The following SERPINA1 variants were observed in gnomAD, a reference collection of about 807,000 sequenced individuals.
SERPINA1 encodes the protein alpha-1-antitrypsin.
SERPINA1 carries 21 observed loss-of-function variants against 25.4 expected under a neutral mutation model. The observed-to-expected ratio is 0.83, with a 90% CI of 0.59 to 1.19. The LOEUF (loss-of-function observed/expected upper bound fraction) is 1.19, where lower values mean the gene tolerates loss of function less well. SERPINA1 is among the 50% of genes most tolerant of loss of function. The pLI is 0.00. For missense variants in SERPINA1, 546 were observed against 509.0 expected (o/e 1.07, Z -0.70); for synonymous variants, 218 against 211.1 (o/e 1.03, Z -0.29).
chr14:94,387,353 G>T (rs915999202), intron 1 of SERPINA1, among the ~76,000 whole-genome samples: 3 of 152,240 alleles, frequency 2.0e-5, no homozygotes, highest in Non-Finnish European at 4.4e-5. Flanking sequence ...CTGCTGCGCA[G>T]CAAGTTCTCG....
intron 3 of SERPINA1, 93 bp from the exon 4 acceptor site, chr14:94,379,704 T>C (rs1177412675): frequency 6.4e-7 from 1 of 1,559,750 alleles, no homozygotes; most frequent in African/African-American, 1.4e-5. Context: ...TTTCTGATTA[T>C]TTCTGCCACT....
At chr14:94,383,273 GAGTCAAGGCACA>G in intron 1 of SERPINA1, 32 bp from the exon 2 acceptor site, 2 of 1,597,848 alleles carry the variant, frequency 1.3e-6, no homozygotes, top group South Asian at 2.2e-5. Context: ...GCCAGGCCCC[GAGTCAAGGCACA>G]TGATGACTCC....
chr14:94,388,113 G>A (rs1897402684), intron 1 of SERPINA1, among the ~76,000 whole-genome samples: 2 of 152,220 alleles, frequency 1.3e-5, no homozygotes, highest in African/African-American at 2.4e-5. Context: ...TATAGAAGGG[G>A]AGAAAGATGC....
intron 1 of SERPINA1, among the ~76,000 whole-genome samples, chr14:94,385,012 G>A (rs1897200506): frequency 6.6e-6 from 1 of 152,204 alleles, no homozygotes; most frequent in African/African-American, 2.4e-5. Flanking sequence ...GCTAAAATTA[G>A]TGCTGTATAT....
chr14:94,383,480 A>C, intron 1 of SERPINA1: 1 of 577,858 alleles, frequency 1.7e-6, no homozygotes, highest in South Asian at 2.2e-5. Flanking sequence ...TTCTTGTAAC[A>C]ATCCCGTGAG....
rs770346644 is a variant in SERPINA1 at position 94,378,158 on chromosome 14, C to A, written c.*291G>T. On this transcript the variant is annotated 3_prime_UTR_variant, in exon 5 of 5. Transcript: ENST00000393087. ...CAAGACAGGACAAGGAAGACTGGAG[C>A]CCTCCAGAAACAGATGGGCCCAGGT... The A allele has an allele frequency of 1.2e-5, 6 of 491,246 alleles. No homozygotes were observed. Among genetic ancestry groups the A allele is most frequent in the South Asian group, 7.1e-5 (3 of 42,334 alleles). The allele number at this position is 491,246 out of a possible 1,614,324, so 30.4% of individuals were successfully genotyped here. A position where few individuals can be genotyped will look rare whatever the true frequency, so the allele number is the denominator to read the frequency against.
At position 94,378,649 on chromosome 14, in the gene SERPINA1, G is replaced by C. The variant is rs1464682504; in HGVS notation, c.1066-9C>G. 1.2e-6 allele frequency: 2 copies of C among 1,613,084 alleles called. No homozygotes were observed. The highest frequency in any genetic ancestry group is 3.3e-5 in the Admixed American group (2 of 59,830). Reference sequence around the variant, plus strand: ...ACAGCCTTATGCACGGCCTGGAGGGGAGAGAAGCAGAGACACGTTGTAAGG... The same window carrying C: ...ACAGCCTTATGCACGGCCTGGAGGGCAGAGAAGCAGAGACACGTTGTAAGG... On this transcript the variant is annotated splice_polypyrimidine_tract_variant and intron_variant, in intron 4 of 4. Transcript: ENST00000393087.
intron 1 of SERPINA1, 22 bp from the exon 2 acceptor site, chr14:94,383,263 GC>G (rs1430220861): frequency 1.2e-5 from 20 of 1,602,812 alleles, no homozygotes; most frequent in Non-Finnish European, 1.7e-5. Context: ...AGATGGGGGG[GC>G]CAGGCCCCGA....
At chr14:94,386,700 C>T (rs1897310600) in intron 1 of SERPINA1, among the ~76,000 whole-genome samples, 1 of 152,138 alleles carries the variant, frequency 6.6e-6, no homozygotes, top group Non-Finnish European at 1.5e-5. Flanking sequence ...CTCCCCAGGA[C>T]CATTTCAGCA....
rs1269189008 is a variant in SERPINA1, at chr14:94,377,073, T to C, written c.*1376A>G. The C allele has an allele frequency of 2.0e-5, 3 of 152,242 alleles. No homozygotes were observed. The highest frequency in any genetic ancestry group is 4.4e-5 in the Non-Finnish European group (3 of 68,054). 9.4% of individuals were successfully genotyped at this position (152,242 alleles called of 1,614,324 possible). ...TGGGAAACAGTCGGTATCCATTGAT[T>C]AGACTGAATCATGTAGAATTGCTAA... On this transcript the variant is annotated 3_prime_UTR_variant, in exon 5 of 5. Coordinates refer to ENST00000393087, the MANE Select transcript of SERPINA1 (RefSeq NM_000295.5).
In SERPINA1 at chr14:94,382,733, C is replaced by T. The variant is rs1897021264; in HGVS notation, c.505G>A (p.Val169Ile). 5.6e-6 allele frequency: 9 copies of T among 1,614,154 alleles called. No homozygotes were observed. The highest frequency in any genetic ancestry group is 7.6e-6 in the Non-Finnish European group (9 of 1,180,060). Reference protein sequence around the residue: ...KKLYHSEAFTVNFGDTEEAKK... With the variant: ...KKLYHSEAFTINFGDTEEAKK... ...GCCTCTTCGGTGTCCCCGAAGTTGACAGTGAAGGCTTCTGAGTGGTACAAC... is the reference window on the plus strand; with the variant it reads ...GCCTCTTCGGTGTCCCCGAAGTTGATAGTGAAGGCTTCTGAGTGGTACAAC... Residue 169 changes from valine to isoleucine, a missense_variant, in exon 2 of 5, where the codon GTC becomes ATC. Physicochemically the swap from Val to Ile is conservative, Grantham distance 29. Transcript: ENST00000393087.
intron 1 of SERPINA1, among the ~76,000 whole-genome samples, chr14:94,385,831 C>A (rs985560832): frequency 6.6e-6 from 1 of 152,182 alleles, no homozygotes; most frequent in Non-Finnish European, 1.5e-5. Flanking sequence ...CCTGGTGTCA[C>A]ATCACCTACT....
At chr14:94,390,201 C>G (rs1383371863), upstream of SERPINA1, among the ~76,000 whole-genome samples, 1 of 152,166 alleles carries the variant, frequency 6.6e-6, no homozygotes, top group Non-Finnish European at 1.5e-5. Context: ...TCTGAGCTCC[C>G]TTCCCTGCAG....
At position 94,378,461 on chromosome 14, in the gene SERPINA1, G is replaced by A; in HGVS notation, c.1245C>T (p.Pro415=). ...SPLFMGKVVN[P]TQK Reference sequence around the variant, plus strand: ...GAGCGAGAGGCAGTTATTTTTGGGTGGGATTCACCACTTTTCCCATGAAGA... The same window carrying A: ...GAGCGAGAGGCAGTTATTTTTGGGTAGGATTCACCACTTTTCCCATGAAGA... The change falls in exon 5 of 5, where the codon CCC becomes CCT. Residue 415 remains proline, a synonymous_variant. Coordinates refer to ENST00000393087, the MANE Select transcript of SERPINA1 (RefSeq NM_000295.5). 1 of 1,614,096 alleles carries A rather than the reference G, an allele frequency of 6.2e-7. No individual in the cohort carries two copies. The highest frequency in any genetic ancestry group is 8.5e-7 in the Non-Finnish European group (1 of 1,180,006).
Position 94,383,025 on chromosome 14 carries a change from G to A in SERPINA1, c.213C>T (p.Ser71=). The A allele has an allele frequency of 6.2e-7, 1 of 1,612,116 alleles. No individual in the cohort carries two copies. The highest frequency in any genetic ancestry group is 8.5e-7 in the Non-Finnish European group (1 of 1,178,220). The stretch of plus-strand genomic sequence containing the variant: ...TCACTGGGGAGAAGAAGATATTGGT[G>A]CTGTTGGACTGGTGTGCCAGCTGGC... ...LYRQLAHQSN[S]TNIFFSPVSI... Residue 71 remains serine, a synonymous_variant, in exon 2 of 5, where the codon AGC becomes AGT. Coordinates refer to ENST00000393087, the MANE Select transcript of SERPINA1 (RefSeq NM_000295.5).
rs149921620 is a variant in SERPINA1 at position 94,383,432 on chromosome 14, G to A, written c.-4-191C>T. On this transcript the variant is annotated intron_variant, in intron 1 of 4. Transcript: ENST00000393087. ...GTACGTAGTGCTTACCATATGCCAA[G>A]CACTGTTCTCCGTGCTCACATGTGT... 1.5e-3 allele frequency: 910 copies of A among 618,628 alleles called. 4 individuals are homozygous for A. Among genetic ancestry groups the A allele is most frequent in the African/African-American group, 0.014 (766 of 54,786 alleles). 38.3% of individuals were successfully genotyped at this position (618,628 alleles called of 1,614,324 possible).
intron 2 of SERPINA1, 110 bp downstream of exon 2, chr14:94,382,482 G>T: frequency 7.9e-7 from 1 of 1,267,158 alleles, no homozygotes; most frequent in Non-Finnish European, 1.1e-6. Flanking sequence ...ACGCTGAAAA[G>T]CATTGCTATG....
chr14:94,390,180 C>T (rs866423251), upstream of SERPINA1, among the ~76,000 whole-genome samples: 34 of 152,268 alleles, frequency 2.2e-4, no homozygotes, highest in African/African-American at 8.2e-4. Context: ...TCAGACTCCC[C>T]TCCCCTTCTC....
intron 1 of SERPINA1, chr14:94,383,451 CA>C: frequency 5.1e-6 from 3 of 594,050 alleles, no homozygotes; most frequent in African/African-American, 1.8e-5. Flanking sequence ...TCCGTGCTCA[CA>C]TGTGTTAATT....
Sources: gnomAD v4.1 joint callset for allele counts (sites outside exome capture counted in the v4.1 genomes callset) on GRCh38, gnomAD v4.1.1 for gene constraint, MANE v1.5 for transcripts, NCBI Gene and HGNC (gene_info 2026-07-23, HGNC 2026-07-21) for gene names.